Variants in CTXND1 observed in about 807,000 individuals in gnomAD.
CTXND1 encodes the protein cortexin domain containing 1.
intron 1 of CTXND1, among the ~76,000 whole-genome samples, chr15:80,221,888 T>C (rs1893323183): frequency 6.6e-6 from 1 of 152,208 alleles, no homozygotes; most frequent in African/African-American, 2.4e-5. Flanking sequence ...TTCTCAAAAA[T>C]TATTAAATAG....
chr15:80,246,171 T>A (rs1893626690), intron 1 of CTXND1, among the ~76,000 whole-genome samples: 1 of 152,230 alleles, frequency 6.6e-6, no homozygotes, highest in Non-Finnish European at 1.5e-5. Context: ...TTGCTCTGAA[T>A]TCAAAGGACT....
intron 1 of CTXND1, among the ~76,000 whole-genome samples, chr15:80,221,277 G>T (rs556625630): frequency 6.6e-6 from 1 of 152,230 alleles, no homozygotes; most frequent in South Asian, 2.1e-4. Context: ...GAACAGTTTT[G>T]TCCCTTTCTT....
intron 1 of CTXND1, among the ~76,000 whole-genome samples, chr15:80,237,098 C>T (rs572983388): frequency 2.0e-5 from 3 of 151,884 alleles, no homozygotes; most frequent in South Asian, 2.1e-4. Context: ...CACTTTGGGA[C>T]GCCAAGGATG....
intron 1 of CTXND1, among the ~76,000 whole-genome samples, chr15:80,225,554 C>T (rs569457571): frequency 2.6e-5 from 4 of 152,224 alleles, no homozygotes; most frequent in Non-Finnish European, 4.4e-5. Context: ...TTACTTTTCC[C>T]ATCCCTCTGT....
rs1002326585 is a variant in CTXND1 at position 80,198,786 on chromosome 15, A to G, written c.*2984T>C. On this transcript the variant is annotated 3_prime_UTR_variant, in exon 3 of 3. Coordinates refer to ENST00000560778, the MANE Select transcript of CTXND1 (RefSeq NM_001352888.2). ...TCTTTTTTTGCTTGGAACATGTACA[A>G]CAGGGAAAATGGAAGAAATCCAAAT... 1.3e-5 allele frequency: 2 copies of G among 152,192 alleles called. No individual in the cohort carries two copies. Among genetic ancestry groups the G allele is most frequent in the Non-Finnish European group, 2.9e-5 (2 of 68,046 alleles). The allele number at this position is 152,192 out of a possible 1,614,324, so 9.4% of individuals were successfully genotyped here. A position where few individuals can be genotyped will look rare whatever the true frequency, so the allele number is the denominator to read the frequency against.
intron 1 of CTXND1, among the ~76,000 whole-genome samples, chr15:80,225,092 G>T (rs1373198079): frequency 6.6e-6 from 1 of 152,170 alleles, no homozygotes; most frequent in African/African-American, 2.4e-5. Context: ...ATCCTTATAC[G>T]TGAAGTGTTG....
rs970493483 is a variant in CTXND1, at chr15:80,205,346, C to T, written c.-217-1606G>A. Among the ~76,000 whole-genome samples, 17 of 152,118 alleles carry T rather than the reference C, an allele frequency of 1.1e-4. 1 individual carries two copies. Among genetic ancestry groups the T allele is most frequent in the Admixed American group, 5.9e-4 (9 of 15,290 alleles). ...CATTTTGCACATGTCTGAGTATGTC[C>T]GTAATTAAATTCCTTCAGGTGAAAC... On this transcript the variant is annotated intron_variant, in intron 1 of 2. Coordinates refer to ENST00000560778, the MANE Select transcript of CTXND1 (RefSeq NM_001352888.2).
intron 1 of CTXND1, among the ~76,000 whole-genome samples, chr15:80,207,070 G>A (rs900302687): frequency 1.3e-5 from 2 of 152,144 alleles, no homozygotes; most frequent in African/African-American, 4.8e-5. Flanking sequence ...GTTTTCAGCA[G>A]TTTTCCTGTG....
At chr15:80,250,317 AC>A (rs1257720491) in intron 1 of CTXND1, among the ~76,000 whole-genome samples, 1 of 152,042 alleles carries the variant, frequency 6.6e-6, no homozygotes, top group East Asian at 1.9e-4. Context: ...CAGCAATTGA[AC>A]TTCTAGTTGA....
intron 1 of CTXND1, among the ~76,000 whole-genome samples, chr15:80,216,447 T>C (rs1291987830): frequency 6.6e-6 from 1 of 152,186 alleles, no homozygotes; most frequent in East Asian, 1.9e-4. Context: ...ATTTCCTTCC[T>C]ACAAATTTGA....
intron 1 of CTXND1, among the ~76,000 whole-genome samples, chr15:80,242,169 C>T (rs927261158): frequency 6.6e-6 from 1 of 152,182 alleles, no homozygotes; most frequent in African/African-American, 2.4e-5. Flanking sequence ...TGACCTGCAT[C>T]GTGGTCACTC....
At chr15:80,224,466 T>C (rs1407602197) in intron 1 of CTXND1, among the ~76,000 whole-genome samples, 3 of 152,250 alleles carry the variant, frequency 2.0e-5, no homozygotes, top group Non-Finnish European at 2.9e-5. Context: ...TTAATGATTC[T>C]AACTCTATTT....
At position 80,233,445 on chromosome 15, in the gene CTXND1, T is replaced by G. The variant is rs1003380828; in HGVS notation, c.-218+18562A>C. 5.9e-5 allele frequency among the ~76,000 whole-genome samples: 9 copies of G among 152,210 alleles called. 1 individual carries two copies. Among genetic ancestry groups the G allele is most frequent in the African/African-American group, 2.2e-4 (9 of 41,456 alleles). On this transcript the variant is annotated intron_variant, in intron 1 of 2. Transcript: ENST00000560778. Reference sequence around the variant, plus strand: ...TTCTTACAGTTTCCCTCTCTAGGTATCCAAGCCTCCAATCTGGCTGCTGGA... The same window carrying G: ...TTCTTACAGTTTCCCTCTCTAGGTAGCCAAGCCTCCAATCTGGCTGCTGGA...
In CTXND1 at chr15:80,197,692, C is replaced by T. The variant is rs910922534; in HGVS notation, c.*4078G>A. On this transcript the variant is annotated 3_prime_UTR_variant, in exon 3 of 3. Transcript: ENST00000560778. The stretch of plus-strand genomic sequence containing the variant: ...CTCTGTTTGGGCACCTCTCCACAGG[C>T]TGGGCCACAGGACATTGTGGGTGGT... 1.3e-5 allele frequency: 2 copies of T among 152,284 alleles called. No individual in the cohort carries two copies. The highest frequency in any genetic ancestry group is 4.8e-5 in the African/African-American group (2 of 41,442). 9.4% of individuals were successfully genotyped at this position (152,284 alleles called of 1,614,324 possible).
intron 1 of CTXND1, among the ~76,000 whole-genome samples, chr15:80,251,804 C>G (rs938102952): frequency 6.6e-6 from 1 of 152,008 alleles, no homozygotes; most frequent in African/African-American, 2.4e-5. Flanking sequence ...GCGCCCCGGG[C>G]GCAGTGCCGC....
At chr15:80,231,390 A>T (rs1893427518) in intron 1 of CTXND1, among the ~76,000 whole-genome samples, 1 of 148,812 alleles carries the variant, frequency 6.7e-6, no homozygotes, top group South Asian at 2.1e-4. Flanking sequence ...TCCTGCATTT[A>T]AAAAAAAAGA....
intron 1 of CTXND1, among the ~76,000 whole-genome samples, chr15:80,239,714 C>A (rs1177524257): frequency 6.6e-6 from 1 of 152,122 alleles, no homozygotes; most frequent in African/African-American, 2.4e-5. Context: ...TCTAAGAGAA[C>A]CCTAATACAA....
intron 1 of CTXND1, among the ~76,000 whole-genome samples, chr15:80,247,498 G>T (rs1893645986): frequency 6.6e-6 from 1 of 152,112 alleles, no homozygotes; most frequent in African/African-American, 2.4e-5. Flanking sequence ...TGCTCCTGGG[G>T]AGGGTGGGGA....
intron 1 of CTXND1, among the ~76,000 whole-genome samples, chr15:80,231,280 C>G (rs1350999471): frequency 6.6e-6 from 1 of 151,900 alleles, no homozygotes; most frequent in Non-Finnish European, 1.5e-5. Flanking sequence ...TCTCATGCAC[C>G]TTGCCCCATC....
Sources: allele counts gnomAD v4.1 joint callset (sites outside exome capture counted in the v4.1 genomes callset), GRCh38; gene constraint gnomAD v4.1.1; transcripts MANE v1.5; gene names NCBI Gene and HGNC (gene_info 2026-07-23, HGNC 2026-07-21).